Variants in PLD1 observed in about 807,000 individuals in gnomAD.
PLD1 encodes the protein phospholipase D1.
In PLD1, 112 loss-of-function variants were observed where a neutral mutation model predicts 137.1. The observed-to-expected ratio is 0.82, with a 90% CI of 0.70 to 0.96. The LOEUF (loss-of-function observed/expected upper bound fraction) is 0.96. Among genes scored for constraint, PLD1 ranks in the 40% least tolerant of loss-of-function variants. The pLI is 0.00. For synonymous variants in PLD1, 431 were observed against 454.7 expected (o/e 0.95, Z 0.66); for missense variants, 1,321 against 1,342.0 (o/e 0.98, Z 0.24).
intron 20 of PLD1, 60 bp downstream of exon 20, chr3:171,662,000 C>A (rs1711545403): frequency 2.2e-6 from 2 of 920,130 alleles, no homozygotes; most frequent in Non-Finnish European, 3.5e-6. Context: ...ACCCTGAAAT[C>A]TCTGCATGAT....
Position 171,674,540 on chromosome 3 carries a change from A to G in PLD1, c.2189T>C (p.Leu730Ser). ...LPKSQTTAHELRYQVPGSVHA... is the reference protein window; with the variant it reads ...LPKSQTTAHESRYQVPGSVHA... ...GACAGACCCAGGCACTTGATATCTC[A>G]ACTCATGGGCTGTTGTTTGAGACTT... The change falls in exon 19 of 27, where the codon TTG becomes TCG. Residue 730 changes from leucine (L) to serine (S), a missense_variant. Physicochemically the swap from Leu to Ser is moderately radical, Grantham distance 145 (BLOSUM62 -2). Coordinates refer to ENST00000351298, the MANE Select transcript of PLD1 (RefSeq NM_002662.5). 6.3e-7 allele frequency: 1 copy of G among 1,597,534 alleles called. No homozygotes were observed.
chr3:171,643,037 A>G (rs1021380214), intron 22 of PLD1, 148 bp from the exon 23 acceptor site: 2 of 567,098 alleles, frequency 3.5e-6, no homozygotes, highest in African/African-American at 4.0e-5. Context: ...TGCTAAAAAC[A>G]GTTACATGAA....
chr3:171,689,765 G>T (rs1341677342), intron 13 of PLD1, among the ~76,000 whole-genome samples: 2 of 152,172 alleles, frequency 1.3e-5, no homozygotes, highest in African/African-American at 2.4e-5. Context: ...GCTTCCCAAA[G>T]CGCTGGGACT....
chr3:171,724,119 T>C (rs1376014215), intron 8 of PLD1, among the ~76,000 whole-genome samples: 1 of 152,254 alleles, frequency 6.6e-6, no homozygotes, highest in South Asian at 2.1e-4. Context: ...AAAGTTCTAT[T>C]GTAGACATAT....
At chr3:171,795,151 G>A (rs1723382020) in intron 1 of PLD1, among the ~76,000 whole-genome samples, 2 of 152,092 alleles carry the variant, frequency 1.3e-5, no homozygotes, top group African/African-American at 4.8e-5. Context: ...TTCCTGCATT[G>A]CCATCGCAAC....
chr3:171,660,238 T>C (rs1174348652), intron 20 of PLD1, among the ~76,000 whole-genome samples: 1 of 152,232 alleles, frequency 6.6e-6, no homozygotes, highest in East Asian at 1.9e-4. Flanking sequence ...CTTAAGTGCA[T>C]AAATCTGTAA....
chr3:171,612,247 T>C lies in PLD1; in HGVS notation c.2882+32A>G. 1.9e-6 allele frequency: 3 copies of C among 1,605,400 alleles called. No homozygotes were observed. Among genetic ancestry groups the C allele is most frequent in the Non-Finnish European group, 2.6e-6 (3 of 1,173,254 alleles). ...GTCCCAGCGACTGCTGCAGTGGAAA[T>C]GCATCAGAGAGACACACTTTGGCGG... On this transcript the variant is annotated intron_variant, in intron 25 of 26. Coordinates refer to ENST00000351298, the MANE Select transcript of PLD1 (RefSeq NM_002662.5). The surrounding 1 kb of genome is among the most constrained non-coding windows in gnomAD (Gnocchi z 4.1).
chr3:171,627,356 A>G (rs1431386648), intron 23 of PLD1, among the ~76,000 whole-genome samples: 2 of 152,168 alleles, frequency 1.3e-5, no homozygotes, highest in East Asian at 3.9e-4. Context: ...CCAGATTCAT[A>G]AAGCAAGTCC....
chr3:171,692,882 AT>A (rs1464825974), intron 12 of PLD1, among the ~76,000 whole-genome samples: 1 of 152,224 alleles, frequency 6.6e-6, no homozygotes, highest in African/African-American at 2.4e-5. Context: ...GAAAAAGGCA[AT>A]ACAAGGAAGT....
chr3:171,725,623 CAT>C (rs1308859901), intron 7 of PLD1, among the ~76,000 whole-genome samples: 5 of 152,282 alleles, frequency 3.3e-5, no homozygotes, highest in Admixed American at 1.3e-4. Context: ...GGCTATAAAA[CAT>C]ATTTTACATA....
intron 25 of PLD1, among the ~76,000 whole-genome samples, chr3:171,608,624 G>A (rs1269750185): frequency 6.6e-6 from 1 of 152,174 alleles, no homozygotes; most frequent in Non-Finnish European, 1.5e-5. Context: ...AGAACAGATA[G>A]TGATTCAGTG....
chr3:171,636,518 C>A lies in PLD1; in HGVS notation c.2593+6322G>T, dbSNP rs534279399. Among the ~76,000 whole-genome samples, 5 of 151,810 alleles carry A rather than the reference C, an allele frequency of 3.3e-5. No individual in the cohort carries two copies. In the South Asian group the frequency reaches 8.3e-4, roughly 25 times the overall value. On this transcript the variant is annotated intron_variant, in intron 23 of 26. Coordinates refer to ENST00000351298, the MANE Select transcript of PLD1 (RefSeq NM_002662.5). The stretch of plus-strand genomic sequence containing the variant: ...TAAATTTATTCCTAAATATTTAATT[C>A]TTTTGATGCTATTTTAAATCGAATT...
At chr3:171,672,767 G>A (rs1712912875) in intron 19 of PLD1, among the ~76,000 whole-genome samples, 2 of 152,258 alleles carry the variant, frequency 1.3e-5, no homozygotes, top group Middle Eastern at 6.8e-3. Context: ...TTCCAAGCGT[G>A]AGCCACCACA....
intron 1 of PLD1, among the ~76,000 whole-genome samples, chr3:171,758,254 T>A (rs190672702): frequency 4.6e-5 from 7 of 152,318 alleles, no homozygotes; most frequent in Admixed American, 3.3e-4. Flanking sequence ...TTAGAGGGAT[T>A]GGTCATGTGC....
At chr3:171,706,165 T>TCTAC (rs1178267816) in intron 11 of PLD1, among the ~76,000 whole-genome samples, 3 of 151,680 alleles carry the variant, frequency 2.0e-5, no homozygotes, top group Non-Finnish European at 4.4e-5. Context: ...TATCTATCTA[T>TCTAC]CTACAACTGA....
chr3:171,680,398 C>A (rs145979823), intron 16 of PLD1, among the ~76,000 whole-genome samples: 1 of 151,910 alleles, frequency 6.6e-6, no homozygotes, highest in Non-Finnish European at 1.5e-5. Context: ...CCATGCCCTG[C>A]TAATTTTTGT....
At chr3:171,635,627 T>A (rs1735037679) in intron 23 of PLD1, among the ~76,000 whole-genome samples, 1 of 152,140 alleles carries the variant, frequency 6.6e-6, no homozygotes, top group Admixed American at 6.5e-5. Context: ...TTTTTATTTT[T>A]ATTACTGAAT....
intron 16 of PLD1, 55 bp from the exon 17 acceptor site, chr3:171,677,749 G>T (rs752452846): frequency 2.0e-4 from 314 of 1,561,844 alleles, no homozygotes; most frequent in Non-Finnish European, 2.7e-4. Flanking sequence ...GTCCCAGAAA[G>T]GGAGGCTCAA....
rs369934863 is a variant in PLD1, at chr3:171,623,997, CAA to C, written c.2594-3479_2594-3478del. On this transcript the variant is annotated intron_variant, in intron 23 of 26. Coordinates refer to ENST00000351298, the MANE Select transcript of PLD1 (RefSeq NM_002662.5). ...GAAAGATTTTGTAAGTATCCAGAGG[CAA>C]AAAAAAAAAAAAAAAGATTTGTAAA... Among the ~76,000 whole-genome samples, 177 of 65,406 alleles carry C rather than the reference CAA, an allele frequency of 2.7e-3. 2 individuals carry two copies. Among genetic ancestry groups the C allele is most frequent in the African/African-American group, 5.9e-3 (124 of 20,872 alleles). 42.9% of individuals were successfully genotyped at this position (65,406 alleles called of 152,430 possible). A position where few individuals can be genotyped will look rare whatever the true frequency, so the allele number is the denominator to read the frequency against.
Sources: gnomAD v4.1 joint callset for allele counts (sites outside exome capture counted in the v4.1 genomes callset) on GRCh38, gnomAD v4.1.1 for gene constraint, Gnocchi (gnomAD v3.1) non-coding constraint, MANE v1.5 for transcripts, NCBI Gene and HGNC (gene_info 2026-07-23, HGNC 2026-07-21) for gene names.